TSC22D1: variants seen among roughly 807,000 people sequenced by gnomAD.
TSC22D1 encodes the protein TSC22 domain family member 1.
In TSC22D1, 9 loss-of-function variants were observed where a neutral mutation model predicts 74.2. That is an observed-to-expected ratio of 0.12 (90% confidence interval 0.07 to 0.21). The LOEUF (loss-of-function observed/expected upper bound fraction) is 0.21. TSC22D1 is among the 10% of genes least tolerant of loss of function. TSC22D1 has a pLI of 1.00. For missense variants in TSC22D1, 1,427 were observed against 1,304.7 expected (o/e 1.09, Z -1.44); for synonymous variants, 586 against 492.5 (o/e 1.19, Z -2.51).
At chr13:44,446,103 CAA>C (rs1875615914) in intron 1 of TSC22D1, among the ~76,000 whole-genome samples, 1 of 152,166 alleles carries the variant, frequency 6.6e-6, no homozygotes, top group South Asian at 2.1e-4. Flanking sequence ...AAACTGGAAA[CAA>C]ACCAAATGTC....
intron 1 of TSC22D1, among the ~76,000 whole-genome samples, chr13:44,485,640 A>G (rs1197295588): frequency 6.6e-6 from 1 of 152,132 alleles, no homozygotes; most frequent in Non-Finnish European, 1.5e-5. Flanking sequence ...ATAAAAGTTT[A>G]CCACCATTTG....
chr13:44,573,480 A>G lies in TSC22D1; in HGVS notation c.2595T>C (p.Asn865=), dbSNP rs201102775. 1 of 1,614,226 alleles carries G rather than the reference A, an allele frequency of 6.2e-7. No individual in the cohort carries two copies. The highest frequency in any genetic ancestry group is 8.5e-7 in the Non-Finnish European group (1 of 1,180,042). ...GACTAACACTTTGAACCAAATTACC[A>G]TTTTGGGTAGCAGGGGTTTGTGCTA... is the stretch of plus-strand genomic sequence containing the variant. ...QNIAQTPATQ[N]GNLVQSVSQP... Residue 865 remains asparagine, a synonymous_variant, in exon 1 of 3, where the codon AAT becomes AAC. Transcript: ENST00000458659.
intron 1 of TSC22D1, among the ~76,000 whole-genome samples, chr13:44,567,526 G>GTTTTTTTTTTCTTT (rs1555274654): frequency 1.3e-5 from 2 of 151,216 alleles, no homozygotes; most frequent in Non-Finnish European, 2.9e-5. Context: ...TTTTAAAAAA[G>GTTTTTTTTTTCTTT]CTAACATTTT....
chr13:44,449,194 C>A (rs1453265075), intron 1 of TSC22D1, among the ~76,000 whole-genome samples: 1 of 152,112 alleles, frequency 6.6e-6, no homozygotes, highest in East Asian at 1.9e-4. Context: ...CTGACAGGGG[C>A]ACTCAGATCA....
chr13:44,525,605 A>G (rs1277484703), intron 1 of TSC22D1, among the ~76,000 whole-genome samples: 1 of 152,032 alleles, frequency 6.6e-6, no homozygotes, highest in Non-Finnish European at 1.5e-5. Context: ...AGTAAAAATA[A>G]AAGGGAGTCT....
intron 1 of TSC22D1, among the ~76,000 whole-genome samples, chr13:44,543,235 A>G (rs1881588495): frequency 6.6e-6 from 1 of 152,182 alleles, no homozygotes; most frequent in Non-Finnish European, 1.5e-5. Context: ...TGTTCTCAAT[A>G]TTAAATTATG....
rs773178370 is a variant in TSC22D1, at chr13:44,573,157, T to TCTTA, written c.2912+2_2912+5dup. The TCTTA allele has an allele frequency of 1.4e-5, 23 of 1,612,878 alleles. No homozygotes were observed. Among genetic ancestry groups the TCTTA allele is most frequent in the Non-Finnish European group, 1.9e-5 (22 of 1,179,360 alleles). On this transcript the variant is annotated splice_donor_region_variant and intron_variant, in intron 1 of 2. Transcript: ENST00000458659. ...GAATGTCTCCAGAAATATGACATGA[T>TCTTA]CTTACCTCTCATCCTCGCCATCCAC...
chr13:44,575,654 G>T lies in TSC22D1; in HGVS notation c.421C>A (p.Leu141Met). Residue 141 changes from leucine (L) to methionine (M), a missense_variant, in exon 1 of 3, where the codon CTG (leucine) becomes ATG (methionine). Leu to Met is a conservative substitution (Grantham distance 15). Transcript: ENST00000458659. ...IAEDTESYDDLDESHTEDLSS... is the reference protein window; with the variant it reads ...IAEDTESYDDMDESHTEDLSS... ...AGATCTTCCGTGTGAGATTCATCCA[G>T]ATCATCATAGCTCTCAGTGTCCTCT... 6.2e-7 allele frequency: 1 copy of T among 1,614,240 alleles called. No homozygotes were observed. Among genetic ancestry groups the T allele is most frequent in the Non-Finnish European group, 8.5e-7 (1 of 1,180,048 alleles).
At chr13:44,517,318 T>TAAAAA (rs1566149259) in intron 1 of TSC22D1, among the ~76,000 whole-genome samples, 1 of 139,670 alleles carries the variant, frequency 7.2e-6, no homozygotes, top group African/African-American at 2.7e-5. Flanking sequence ...ATCGTTACCG[T>TAAAAA]AAAAACAAAA....
chr13:44,533,837 G>T (rs571599847), intron 1 of TSC22D1, among the ~76,000 whole-genome samples: 3 of 152,134 alleles, frequency 2.0e-5, no homozygotes, highest in Non-Finnish European at 4.4e-5. Flanking sequence ...CATGGAATCA[G>T]CTATGAAATG....
chr13:44,436,984 CA>C (rs1874735136), intron 1 of TSC22D1: 3 of 1,002,664 alleles, frequency 3.0e-6, no homozygotes, highest in Admixed American at 5.9e-5. Flanking sequence ...CGCCTCCCCC[CA>C]CCCCCACCTC....
At position 44,575,202 on chromosome 13, in the gene TSC22D1, A is replaced by G. The variant is rs1213797670; in HGVS notation, c.873T>C (p.Thr291=). 1 of 1,614,056 alleles carries G rather than the reference A, an allele frequency of 6.2e-7. No individual in the cohort carries two copies. Among genetic ancestry groups the G allele is most frequent in the Non-Finnish European group, 8.5e-7 (1 of 1,180,036 alleles). The change falls in exon 1 of 3, where the codon ACT becomes ACC. Residue 291 remains threonine, a synonymous_variant. Coordinates refer to ENST00000458659, the MANE Select transcript of TSC22D1 (RefSeq NM_183422.4). ...CTGTAGTACTTGGAGCACGCATATT[A>G]GTCATTACAGATGCAGGTGAACCAC... ...SSSGSPASVM[T]NMRAPSTTGG... is the part of the protein sequence containing the mutation.
chr13:44,576,151 G>A lies in TSC22D1; in HGVS notation c.-77C>T. On this transcript the variant is annotated 5_prime_UTR_variant, in exon 1 of 3. Transcript: ENST00000458659. Reference sequence around the variant, plus strand: ...CGTAATCTTTGTATTGGAGACGCCGGAGAGGAAAACGGGACCTGACGCTCC... The same window carrying A: ...CGTAATCTTTGTATTGGAGACGCCGAAGAGGAAAACGGGACCTGACGCTCC... 6 of 1,395,256 alleles carry A rather than the reference G, an allele frequency of 4.3e-6. No homozygotes were observed. The highest frequency in any genetic ancestry group is 3.3e-5 in the South Asian group (2 of 61,034). The allele number at this position is 1,395,256 out of a possible 1,614,324, so 86.4% of individuals were successfully genotyped here.
intron 1 of TSC22D1, among the ~76,000 whole-genome samples, chr13:44,449,620 G>C (rs141205628): frequency 6.6e-6 from 1 of 152,124 alleles, no homozygotes; most frequent in African/African-American, 2.4e-5. Context: ...TATCATCTTA[G>C]TGTGATTCTG....
chr13:44,516,784 T>C (rs1202628594), intron 1 of TSC22D1, among the ~76,000 whole-genome samples: 1 of 152,228 alleles, frequency 6.6e-6, no homozygotes, highest in Non-Finnish European at 1.5e-5. Context: ...CCCTCTGTAA[T>C]TCCCTTCATT....
At chr13:44,569,047 A>T (rs1025419150) in intron 1 of TSC22D1, among the ~76,000 whole-genome samples, 6 of 152,228 alleles carry the variant, frequency 3.9e-5, no homozygotes, top group African/African-American at 1.2e-4. Context: ...GGAAGTTAAT[A>T]CAGACAAAAA....
chr13:44,439,143 G>A (rs1009238580), intron 1 of TSC22D1, among the ~76,000 whole-genome samples: 1 of 152,112 alleles, frequency 6.6e-6, no homozygotes, highest in South Asian at 2.1e-4. Context: ...AGCAACCATA[G>A]TCTATTTAAC....
intron 1 of TSC22D1, chr13:44,537,725 T>C: frequency 1.0e-6 from 1 of 984,490 alleles, no homozygotes; most frequent in Non-Finnish European, 1.2e-6. Flanking sequence ...CAGTTCAAAT[T>C]GAACCTTTAA....
At chr13:44,450,994 C>T (rs1440796917) in intron 1 of TSC22D1, among the ~76,000 whole-genome samples, 2 of 152,142 alleles carry the variant, frequency 1.3e-5, no homozygotes, top group East Asian at 1.9e-4. Context: ...GCTTGAGGCA[C>T]TTGCAAGAAC....
Sources: allele counts gnomAD v4.1 joint callset (sites outside exome capture counted in the v4.1 genomes callset), GRCh38; gene constraint gnomAD v4.1.1; transcripts MANE v1.5; gene names NCBI Gene and HGNC (gene_info 2026-07-23, HGNC 2026-07-21).